AKAP12: variants seen among roughly 807,000 people sequenced by gnomAD.
The protein encoded by AKAP12 is A-kinase anchoring protein 12.
A neutral mutation model predicts 79.9 loss-of-function variants in AKAP12; 32 were observed. The observed-to-expected ratio is 0.40, with a 90% CI of 0.30 to 0.54. The LOEUF (loss-of-function observed/expected upper bound fraction) is 0.54. Among genes scored for constraint, AKAP12 ranks in the 20% least tolerant of loss-of-function variants. AKAP12 has a pLI of 0.48. For synonymous variants in AKAP12, 808 were observed against 857.0 expected (o/e 0.94, Z 1.00); for missense variants, 2,074 against 2,177.0 (o/e 0.95, Z 0.94).
intron 2 of AKAP12, among the ~76,000 whole-genome samples, chr6:151,297,377 C>A (rs879873022): frequency 1.3e-5 from 2 of 151,800 alleles, no homozygotes; most frequent in Admixed American, 6.6e-5. Flanking sequence ...GAGTTTGAGA[C>A]CAGCCTGACC....
intron 2 of AKAP12, among the ~76,000 whole-genome samples, chr6:151,256,822 G>T: frequency 6.6e-6 from 1 of 151,550 alleles, no homozygotes. Context: ...CCTAATTTTT[G>T]TATTTTTAGT....
intron 2 of AKAP12, among the ~76,000 whole-genome samples, chr6:151,304,629 A>G (rs1044014316): frequency 1.3e-5 from 2 of 149,516 alleles, no homozygotes; most frequent in African/African-American, 4.9e-5. Context: ...CTGTGGCTCA[A>G]TCTCTGCTCG....
intron 3 of AKAP12, among the ~76,000 whole-genome samples, chr6:151,322,116 G>C (rs569387025): frequency 6.6e-6 from 1 of 151,692 alleles, no homozygotes; most frequent in Non-Finnish European, 1.5e-5. Flanking sequence ...CATCATGTTG[G>C]CCAGGCTGGT....
At chr6:151,337,524 AAAAGAAAG>A in intron 3 of AKAP12, among the ~76,000 whole-genome samples, 1 of 129,810 alleles carries the variant, frequency 7.7e-6, no homozygotes, top group East Asian at 2.2e-4. Flanking sequence ...AAAAAAAAAA[AAAAGAAAG>A]AAAGAAAGAT....
intron 2 of AKAP12, among the ~76,000 whole-genome samples, chr6:151,280,347 A>G (rs1436184421): frequency 6.6e-6 from 1 of 151,948 alleles, no homozygotes; most frequent in Non-Finnish European, 1.5e-5. Flanking sequence ...TGCTTGTGCA[A>G]ATATTTCTAT....
intron 2 of AKAP12, among the ~76,000 whole-genome samples, chr6:151,256,948 C>CTATATATATCTATATATATATATATATA (rs1797312546): frequency 6.9e-6 from 1 of 145,844 alleles, no homozygotes; most frequent in Non-Finnish European, 1.5e-5. Context: ...CGCGCCCGGC[C>CTATATATATCTATATATATATATATATA]TATATATATA....
Position 151,350,970 on chromosome 6 carries a change from T to G in AKAP12, c.2579T>G (p.Met860Arg). ...SEYDAVEREK[M>R]EAQQAQKSAE... is the part of the protein sequence containing the mutation. Reference sequence around the variant, plus strand: ...TATGATGCTGTAGAAAGGGAGAAAATGGAGGCACAGCAAGCCCAAAAAAGC... The same window carrying G: ...TATGATGCTGTAGAAAGGGAGAAAAGGGAGGCACAGCAAGCCCAAAAAAGC... Residue 860 changes from methionine (M) to arginine (R), a missense_variant, in exon 4 of 5, where the codon ATG (methionine) becomes AGG (arginine). Physicochemically the swap from Met to Arg is moderately conservative, Grantham distance 91. This residue lies in a region of AKAP12 where 1,428 missense variants were observed against 1,451.0 expected (regional missense o/e 0.98). Coordinates refer to ENST00000402676, the MANE Select transcript of AKAP12 (RefSeq NM_005100.4). The surrounding 1 kb of genome is among the most constrained non-coding windows in gnomAD (Gnocchi z 4.8). 1 of 1,613,492 alleles carries G rather than the reference T, an allele frequency of 6.2e-7. No homozygotes were observed.
chr6:151,266,616 G>A (rs1776034371), intron 2 of AKAP12, among the ~76,000 whole-genome samples: 1 of 152,196 alleles, frequency 6.6e-6, no homozygotes, highest in African/African-American at 2.4e-5. Context: ...CTCCAGTGCT[G>A]CTAATTCTGG....
At chr6:151,344,926 C>CATAA (rs1307253715) in intron 3 of AKAP12, among the ~76,000 whole-genome samples, 1 of 152,068 alleles carries the variant, frequency 6.6e-6, no homozygotes, top group Non-Finnish European at 1.5e-5. Context: ...TGTAATATTT[C>CATAA]ATAAATAAGA....
At position 151,240,455 on chromosome 6, in the gene AKAP12, G is replaced by A. The variant is rs1261360077; in HGVS notation, c.-108G>A. Reference sequence around the variant, plus strand: ...CGCAGTCGGCTGGCGGCGAAGGAAGGCGCTCTCGGGACCTCGCGGGCGCGC... The same window carrying A: ...CGCAGTCGGCTGGCGGCGAAGGAAGACGCTCTCGGGACCTCGCGGGCGCGC... On this transcript the variant is annotated 5_prime_UTR_variant, in exon 2 of 5. Transcript: ENST00000402676. The A allele has an allele frequency of 1.8e-5, 22 of 1,224,124 alleles. No individual in the cohort carries two copies. The highest frequency in any genetic ancestry group is 2.4e-5 in the South Asian group (1 of 42,458). The allele number at this position is 1,224,124 out of a possible 1,614,324, so 75.8% of individuals were successfully genotyped here. A position where few individuals can be genotyped will look rare whatever the true frequency, so the allele number is the denominator to read the frequency against.
chr6:151,255,021 T>C (rs760867292), intron 2 of AKAP12, among the ~76,000 whole-genome samples: 6 of 152,172 alleles, frequency 3.9e-5, no homozygotes, highest in African/African-American at 1.2e-4. Flanking sequence ...GTAGGCAAAT[T>C]TGGGGGCTGA....
chr6:151,324,539 C>T (rs769727188), intron 3 of AKAP12: 35 of 985,226 alleles, frequency 3.6e-5, no homozygotes, highest in Non-Finnish European at 4.0e-5. Context: ...TGGTCTACGC[C>T]GAGGCTCCCC....
intron 2 of AKAP12, among the ~76,000 whole-genome samples, chr6:151,301,778 A>T (rs780903131): frequency 6.6e-6 from 1 of 152,180 alleles, no homozygotes; most frequent in African/African-American, 2.4e-5. Flanking sequence ...AATAGACTCA[A>T]AACTCAGGTT....
At chr6:151,326,329 T>A (rs1451585098) in intron 3 of AKAP12, among the ~76,000 whole-genome samples, 1 of 151,982 alleles carries the variant, frequency 6.6e-6, no homozygotes, top group Non-Finnish European at 1.5e-5. Flanking sequence ...AAATTACAAG[T>A]GTTTGCATTT....
chr6:151,358,169 A>C lies in AKAP12; in HGVS notation c.*2455A>C, dbSNP rs1182918096. 1 of 152,250 alleles carries C rather than the reference A, an allele frequency of 6.6e-6. No individual in the cohort carries two copies. The highest frequency in any genetic ancestry group is 1.9e-4 in the East Asian group (1 of 5,206). 9.4% of individuals were successfully genotyped at this position (152,250 alleles called of 1,614,324 possible). On this transcript the variant is annotated 3_prime_UTR_variant, in exon 5 of 5. Transcript: ENST00000402676. ...GCTGTTAATTTATGAAGTACATAAT[A>C]ATCTAATGTAAACTGCAGAAGTCAG...
intron 3 of AKAP12, among the ~76,000 whole-genome samples, chr6:151,314,569 G>A (rs1452614592): frequency 6.6e-6 from 1 of 152,116 alleles, no homozygotes; most frequent in Non-Finnish European, 1.5e-5. Context: ...CCAGGGATGG[G>A]GGAAAGAAGT....
intron 3 of AKAP12, chr6:151,325,388 G>A: frequency 1.0e-6 from 1 of 985,420 alleles, no homozygotes; most frequent in Non-Finnish European, 1.2e-6. Context: ...TGAAGTAACC[G>A]TTTAGATCCA....
rs144470473 is a variant in AKAP12, at chr6:151,263,882, G to T, written c.162+23158G>T. Among the ~76,000 whole-genome samples the T allele has an allele frequency of 7.4e-4, 112 of 152,116 alleles. No homozygotes were observed. In the East Asian group the frequency reaches 0.019, roughly 26 times the overall value. ...GCATGAGCCAACACGCCCAGCTCTT[G>T]AGAGATCTTACCGATGTTCTTGGCT... On this transcript the variant is annotated intron_variant, in intron 2 of 4. Coordinates refer to ENST00000402676, the MANE Select transcript of AKAP12 (RefSeq NM_005100.4).
intron 2 of AKAP12, among the ~76,000 whole-genome samples, chr6:151,290,613 T>G (rs1776597510): frequency 6.6e-6 from 1 of 151,980 alleles, no homozygotes; most frequent in Non-Finnish European, 1.5e-5. Flanking sequence ...AGATTCTTTT[T>G]TTTTTTTTTG....
Sources: allele counts gnomAD v4.1 joint callset (sites outside exome capture counted in the v4.1 genomes callset), GRCh38; gene constraint gnomAD v4.1.1; regional missense constraint gnomAD v4.1.1; non-coding constraint Gnocchi (gnomAD v3.1); transcripts MANE v1.5; gene names NCBI Gene and HGNC (gene_info 2026-07-23, HGNC 2026-07-21).